Variants in SMIM35 observed in about 807,000 individuals in gnomAD.
The protein encoded by SMIM35 is small integral membrane protein 35.
rs2058108389 is a variant in SMIM35, at chr11:118,003,695, T to C, written c.*2715A>G. The C allele has an allele frequency of 1.3e-5, 2 of 152,204 alleles. No individual in the cohort carries two copies. Among genetic ancestry groups the C allele is most frequent in the East Asian group, 3.8e-4 (2 of 5,196 alleles). 9.4% of individuals were successfully genotyped at this position (152,204 alleles called of 1,614,324 possible). A position where few individuals can be genotyped will look rare whatever the true frequency, so the allele number is the denominator to read the frequency against. On this transcript the variant is annotated 3_prime_UTR_variant, in exon 5 of 5. Transcript: ENST00000689828. The stretch of plus-strand genomic sequence containing the variant: ...TTTGTCAAAAAACATTACGAAGCAC[T>C]TGTTATGTGTTGGACATGGTGTGCA...
chr11:118,005,432 A>G lies in SMIM35; in HGVS notation c.*978T>C, dbSNP rs2058116169. 6.6e-6 allele frequency: 1 copy of G among 152,206 alleles called. No individual in the cohort carries two copies. Among genetic ancestry groups the G allele is most frequent in the East Asian group, 1.9e-4 (1 of 5,192 alleles). 9.4% of individuals were successfully genotyped at this position (152,206 alleles called of 1,614,324 possible). ...TGTTATCTGGATGCTGGTGGCTTCC[A>G]AATGTCCAAACAGGGTTTCTCTCCA... On this transcript the variant is annotated 3_prime_UTR_variant, in exon 5 of 5. Transcript: ENST00000689828.
chr11:118,063,301 C>T (rs775730841), intron 1 of SMIM35, among the ~76,000 whole-genome samples: 2 of 152,158 alleles, frequency 1.3e-5, no homozygotes, highest in East Asian at 1.9e-4. Context: ...GGATGGGGAC[C>T]CCTTTCCTAT....
intron 1 of SMIM35, among the ~76,000 whole-genome samples, chr11:118,064,738 G>T (rs1944443491): frequency 6.6e-6 from 1 of 151,970 alleles, no homozygotes; most frequent in South Asian, 2.1e-4. Flanking sequence ...CTACTTCCCG[G>T]GTCCGAGCCA....
chr11:118,053,016 T>C (rs1207851076), intron 1 of SMIM35, among the ~76,000 whole-genome samples: 1 of 152,114 alleles, frequency 6.6e-6, no homozygotes, highest in African/African-American at 2.4e-5. Context: ...CAAAGCCTAC[T>C]AGCTCACAGC....
At chr11:118,027,076 G>A (rs1591283298) in intron 1 of SMIM35, among the ~76,000 whole-genome samples, 1 of 133,804 alleles carries the variant, frequency 7.5e-6, no homozygotes, top group African/African-American at 2.8e-5. Flanking sequence ...GCCGGACTGC[G>A]GACTGCAGTG....
intron 1 of SMIM35, among the ~76,000 whole-genome samples, chr11:118,070,959 G>A (rs73600816): frequency 8.5e-5 from 13 of 152,332 alleles, no homozygotes; most frequent in African/African-American, 3.1e-4. Context: ...AACCCTGCCT[G>A]AGCCTCAGTT....
At chr11:118,031,123 G>T (rs1287490688) in intron 1 of SMIM35, among the ~76,000 whole-genome samples, 1 of 152,200 alleles carries the variant, frequency 6.6e-6, no homozygotes, top group Non-Finnish European at 1.5e-5. Flanking sequence ...AATACAAAAA[G>T]AGAGACACCT....
At position 118,013,860 on chromosome 11, in the gene SMIM35, A is replaced by G; in HGVS notation, c.179T>C (p.Met60Thr). 1 of 399,062 alleles carries G rather than the reference A, an allele frequency of 2.5e-6. No homozygotes were observed. The highest frequency in any genetic ancestry group is 3.6e-5 in the East Asian group (1 of 28,078). 24.7% of individuals were successfully genotyped at this position (399,062 alleles called of 1,614,324 possible). ...YQIRNLKDLEMGPPFTISGHI... is the reference protein window; with the variant it reads ...YQIRNLKDLETGPPFTISGHI... ...ACCACTGATGGTGAAGGGTGGACCC[A>G]TCTCCAGATCCTTCAGGTTCCTGAA... Residue 60 changes from methionine to threonine, a missense_variant, in exon 4 of 5, where the codon ATG (methionine) becomes ACG (threonine). Coordinates refer to ENST00000689828, the MANE Select transcript of SMIM35 (RefSeq NM_001394165.1).
At chr11:118,016,633 G>C (rs1170955550) in intron 1 of SMIM35, among the ~76,000 whole-genome samples, 1 of 152,260 alleles carries the variant, frequency 6.6e-6, no homozygotes, top group East Asian at 1.9e-4. Flanking sequence ...CAGACTTTAG[G>C]TGCAGGCTAG....
intron 1 of SMIM35, among the ~76,000 whole-genome samples, chr11:118,074,563 A>G (rs1944623640): frequency 6.6e-6 from 1 of 152,040 alleles, no homozygotes; most frequent in Admixed American, 6.6e-5. Context: ...CCTTGTCAAC[A>G]TGGTGAAACC....
chr11:118,028,994 CT>C (rs1243283486), intron 1 of SMIM35: 4 of 369,618 alleles, frequency 1.1e-5, no homozygotes, highest in Non-Finnish European at 2.1e-5. Context: ...AGTCATTTCA[CT>C]TTTTGAAAAT....
chr11:118,010,852 C>T (rs926964629), intron 4 of SMIM35, among the ~76,000 whole-genome samples: 4 of 152,172 alleles, frequency 2.6e-5, no homozygotes, highest in African/African-American at 7.2e-5. Context: ...AAAGAAGAAC[C>T]GTAAAAAGGT....
intron 1 of SMIM35, among the ~76,000 whole-genome samples, chr11:118,043,941 T>A (rs1437230087): frequency 6.6e-6 from 1 of 151,538 alleles, no homozygotes; most frequent in Non-Finnish European, 1.5e-5. Context: ...TTGACTGTAA[T>A]GGTGGCTGCA....
At chr11:118,007,369 G>A (rs2058127497) in intron 4 of SMIM35, among the ~76,000 whole-genome samples, 1 of 152,230 alleles carries the variant, frequency 6.6e-6, no homozygotes, top group Non-Finnish European at 1.5e-5. Flanking sequence ...AGCTACAAGG[G>A]GAGGAAATGG....
intron 1 of SMIM35, chr11:118,029,573 G>A (rs2058301341): frequency 4.4e-6 from 2 of 450,972 alleles, no homozygotes; most frequent in South Asian, 3.1e-5. Context: ...GATGAAGAGG[G>A]GACTTACCCC....
At chr11:118,035,799 C>T (rs973946710) in intron 1 of SMIM35, among the ~76,000 whole-genome samples, 2 of 152,190 alleles carry the variant, frequency 1.3e-5, no homozygotes, top group Non-Finnish European at 2.9e-5. Flanking sequence ...AGTGTGCAGC[C>T]GTGGGGTGGT....
chr11:118,066,908 C>A (rs921454751), intron 1 of SMIM35, among the ~76,000 whole-genome samples: 2 of 151,024 alleles, frequency 1.3e-5, no homozygotes, highest in Non-Finnish European at 2.9e-5. Flanking sequence ...GAGATTGTTA[C>A]AATTTTACAC....
intron 1 of SMIM35, among the ~76,000 whole-genome samples, chr11:118,033,279 A>C (rs1035853508): frequency 2.0e-5 from 3 of 152,208 alleles, no homozygotes; most frequent in Non-Finnish European, 4.4e-5. Context: ...TAGCTGAGAA[A>C]AGCCTCTTGT....
chr11:118,085,348 C>G lies in SMIM35; in HGVS notation c.7+1403G>C, dbSNP rs553758568. Among the ~76,000 whole-genome samples, 24 of 151,894 alleles carry G rather than the reference C, an allele frequency of 1.6e-4. No individual in the cohort carries two copies. In the East Asian group the frequency reaches 4.3e-3, roughly 27 times the overall value. ...AAGCGATTCTCCTGCCTCAGCCTCC[C>G]GAGTAGCTGGGATTACAGGCACCTG... On this transcript the variant is annotated intron_variant, in intron 1 of 4. Transcript: ENST00000689828.
Sources: gnomAD v4.1 joint callset for allele counts (sites outside exome capture counted in the v4.1 genomes callset) on GRCh38, gnomAD v4.1.1 for gene constraint, MANE v1.5 for transcripts, NCBI Gene and HGNC (gene_info 2026-07-23, HGNC 2026-07-21) for gene names.